The following HMGCLL1 variants were observed in gnomAD, a reference collection of about 807,000 sequenced individuals.
HMGCLL1 encodes 3-hydroxymethyl-3-methylglutaryl-CoA lyase, cytoplasmic.
In HMGCLL1, 36 loss-of-function variants were observed where a neutral mutation model predicts 39.1. The ratio of observed to expected loss-of-function variants is 0.92; its 90% CI spans 0.71 to 1.22. The LOEUF (loss-of-function observed/expected upper bound fraction) is 1.22. Ranked by LOEUF, HMGCLL1 falls within the 50% of genes most tolerant of loss-of-function variation. HMGCLL1 has a pLI of 0.00. For missense variants in HMGCLL1, 451 were observed against 416.5 expected (o/e 1.08, Z -0.72); for synonymous variants, 149 against 144.0 (o/e 1.03, Z -0.25).
At chr6:55,615,371 A>G in the HMGCLL1 span, among the ~76,000 whole-genome samples, 1 of 152,234 alleles carries the variant, frequency 6.6e-6, no homozygotes, top group Non-Finnish European at 1.5e-5. Flanking sequence ...GGTGAATCTC[A>G]AGCTAGCAGT....
At chr6:55,589,358 C>T in the HMGCLL1 span, among the ~76,000 whole-genome samples, 385 of 152,262 alleles carry the variant, frequency 2.5e-3, no homozygotes, top group Non-Finnish European at 3.6e-3. Flanking sequence ...AACAACGCTT[C>T]ATGCTAAAAA....
intron 3 of HMGCLL1, among the ~76,000 whole-genome samples, chr6:55,527,120 T>G (rs901668894): frequency 6.6e-6 from 1 of 152,100 alleles, no homozygotes; most frequent in African/African-American, 2.4e-5. Context: ...CCATATCTTA[T>G]CTTTTCTATA....
chr6:55,541,719 GTTTACA>G lies in HMGCLL1; in HGVS notation c.297+4_297+9del. On this transcript the variant is annotated splice_donor_5th_base_variant and intron_variant, in intron 3 of 8. Transcript: ENST00000274901. ...TTAGGATCTAATTAAGAAATTGTGG[GTTTACA>G]TACCTGTGGTACCCATCTGGAAGAC... 1 of 1,428,056 alleles carries G rather than the reference GTTTACA, an allele frequency of 7.0e-7. No individual in the cohort carries two copies. Among genetic ancestry groups the G allele is most frequent in the Non-Finnish European group, 9.7e-7 (1 of 1,035,880 alleles). The allele number at this position is 1,428,056 out of a possible 1,614,324, so 88.5% of individuals were successfully genotyped here.
chr6:55,495,377 AC>A (rs1766516409), intron 7 of HMGCLL1, 41 bp downstream of exon 7: 1 of 1,400,458 alleles, frequency 7.1e-7, no homozygotes, highest in South Asian at 1.3e-5. Flanking sequence ...ATAAAGATGA[AC>A]ACCCTATGCA....
chr6:55,443,342 G>T (rs762527951), intron 7 of HMGCLL1, among the ~76,000 whole-genome samples: 1 of 152,110 alleles, frequency 6.6e-6, no homozygotes, highest in Non-Finnish European at 1.5e-5. Context: ...ATGAGAAATG[G>T]CTTCAGCCCG....
the HMGCLL1 span, among the ~76,000 whole-genome samples, chr6:55,642,247 T>C: frequency 6.6e-6 from 1 of 150,540 alleles, no homozygotes; most frequent in African/African-American, 2.4e-5. Flanking sequence ...CTCATCATTT[T>C]TTATGGCTGC....
At chr6:55,577,434 G>C (rs1211294436) in intron 1 of HMGCLL1, among the ~76,000 whole-genome samples, 1 of 152,012 alleles carries the variant, frequency 6.6e-6, no homozygotes, top group Non-Finnish European at 1.5e-5. Context: ...GCAATATTTA[G>C]AGAAGGGCTA....
rs1236296568 is a variant in HMGCLL1 at position 55,447,876 on chromosome 6, ATTAATAG to A, written c.796-8324_796-8318del. Among the ~76,000 whole-genome samples, 24 of 152,280 alleles carry A rather than the reference ATTAATAG, an allele frequency of 1.6e-4. No homozygotes were observed. In the East Asian group the frequency reaches 3.5e-3, roughly 22 times the overall value. On this transcript the variant is annotated intron_variant, in intron 7 of 8. Transcript: ENST00000274901. Reference sequence around the variant, plus strand: ...TAACAACTGTGTGCTACTGCACAATATTAATAGTTAACAAAATACTGACGATATGCCG... The same window carrying A: ...TAACAACTGTGTGCTACTGCACAATATTAACAAAATACTGACGATATGCCG...
intron 1 of HMGCLL1, among the ~76,000 whole-genome samples, chr6:55,562,051 G>T (rs1328119809): frequency 6.6e-6 from 1 of 151,890 alleles, no homozygotes; most frequent in African/African-American, 2.4e-5. Flanking sequence ...CCCCTCAAAG[G>T]AATAGTTAAC....
chr6:55,577,786 C>A (rs1337991095), intron 1 of HMGCLL1, among the ~76,000 whole-genome samples: 1 of 151,972 alleles, frequency 6.6e-6, no homozygotes, highest in African/African-American at 2.4e-5. Flanking sequence ...TCAGGAAGGT[C>A]AAAATAGAAG....
chr6:55,633,225 C>T, the HMGCLL1 span, among the ~76,000 whole-genome samples: 1 of 151,814 alleles, frequency 6.6e-6, no homozygotes, highest in East Asian at 1.9e-4. Context: ...CTTTTGTGTT[C>T]TTGAAGAAGG....
At chr6:55,580,402 C>CTTTTTTTT (rs1561975440), upstream of HMGCLL1, among the ~76,000 whole-genome samples, 2 of 82,712 alleles carry the variant, frequency 2.4e-5, no homozygotes, top group Admixed American at 1.4e-4. Context: ...TTTCTTTTTT[C>CTTTTTTTT]TTTCTTTTTT....
intron 1 of HMGCLL1, among the ~76,000 whole-genome samples, chr6:55,549,363 C>T (rs1000807303): frequency 7.2e-6 from 1 of 138,298 alleles, no homozygotes; most frequent in Non-Finnish European, 1.6e-5. Context: ...TTGCCCCCTG[C>T]AAATACAGAA....
chr6:55,450,329 G>A (rs759759062), intron 7 of HMGCLL1, among the ~76,000 whole-genome samples: 21 of 152,196 alleles, frequency 1.4e-4, no homozygotes, highest in Non-Finnish European at 2.4e-4. Flanking sequence ...CAAAACAAAC[G>A]AAGAGCATAC....
chr6:55,659,238 C>A, the HMGCLL1 span, among the ~76,000 whole-genome samples: 4 of 151,590 alleles, frequency 2.6e-5, no homozygotes, highest in African/African-American at 9.7e-5. Context: ...AGAACACAAG[C>A]AAAAAACCCC....
chr6:55,625,900 T>C, the HMGCLL1 span, among the ~76,000 whole-genome samples: 1 of 152,112 alleles, frequency 6.6e-6, no homozygotes, highest in East Asian at 1.9e-4. Context: ...GTAGATAGGA[T>C]GACCCGTTCT....
intron 1 of HMGCLL1, among the ~76,000 whole-genome samples, chr6:55,574,563 G>T (rs1771673604): frequency 6.6e-6 from 1 of 151,708 alleles, no homozygotes; most frequent in South Asian, 2.1e-4. Context: ...GGGAAAATGA[G>T]AAATTAAAAT....
the HMGCLL1 span, among the ~76,000 whole-genome samples, chr6:55,659,986 A>G: frequency 6.6e-6 from 1 of 151,774 alleles, no homozygotes; most frequent in African/African-American, 2.4e-5. Context: ...TGGAAGTCCA[A>G]TGAGATAGAG....
At chr6:55,662,937 G>A in the HMGCLL1 span, among the ~76,000 whole-genome samples, 3 of 151,514 alleles carry the variant, frequency 2.0e-5, no homozygotes, top group South Asian at 2.1e-4. Context: ...GTGTCCATGA[G>A]TTTATATATC....
Sources: allele counts gnomAD v4.1 joint callset (sites outside exome capture counted in the v4.1 genomes callset), GRCh38; gene constraint gnomAD v4.1.1; transcripts MANE v1.5; gene names NCBI Gene and HGNC (gene_info 2026-07-23, HGNC 2026-07-21).